The following PPP2R2B variants were observed in gnomAD, a reference collection of about 807,000 sequenced individuals.
PPP2R2B encodes serine/threonine-protein phosphatase 2A 55 kDa regulatory subunit B beta isoform.
In PPP2R2B, 5 loss-of-function variants were observed where a neutral mutation model predicts 46.0. The ratio of observed to expected loss-of-function variants is 0.11; its 90% CI spans 0.06 to 0.23. PPP2R2B has a LOEUF of 0.23. Ranked by LOEUF, PPP2R2B falls within the 10% of genes least tolerant of loss-of-function variation. The pLI, the probability that PPP2R2B is intolerant of heterozygous loss-of-function variation, is 1.00. For synonymous variants in PPP2R2B, 215 were observed against 206.7 expected (o/e 1.04, Z -0.34); for missense variants, 367 against 575.0 (o/e 0.64, Z 3.70).
chr5:146,661,254 A>T (rs973457730), intron 5 of PPP2R2B, among the ~76,000 whole-genome samples: 6 of 152,154 alleles, frequency 3.9e-5, no homozygotes, highest in African/African-American at 1.4e-4. Context: ...CTGAAACAAA[A>T]AATTATCTAG....
In PPP2R2B at chr5:146,810,603, C is replaced by T. The variant is rs72823282; in HGVS notation, c.70+67399G>A. On this transcript the variant is annotated intron_variant, in intron 2 of 9. Transcript: ENST00000394411. ...GTGAATCGTCCAGCCAGGATTTGAA[C>T]GCTTGTCTATGAGCAAAGTTCATGT... 1.0e-3 allele frequency among the ~76,000 whole-genome samples: 155 copies of T among 152,258 alleles called. 1 individual carries two copies. Among genetic ancestry groups the T allele is most frequent in the Middle Eastern group, 6.8e-3 (2 of 294 alleles).
At chr5:146,709,304 C>T (rs1370934263) in intron 2 of PPP2R2B, among the ~76,000 whole-genome samples, 2 of 152,192 alleles carry the variant, frequency 1.3e-5, no homozygotes, top group Admixed American at 1.3e-4. Context: ...GCTTAAATGT[C>T]AGTCTGACCC....
chr5:146,738,611 G>C (rs1394967362), intron 2 of PPP2R2B, among the ~76,000 whole-genome samples: 2 of 152,022 alleles, frequency 1.3e-5, no homozygotes, highest in East Asian at 3.9e-4. Context: ...AGCAAATGAC[G>C]GTTGAACAAC....
chr5:146,878,247 G>A lies in PPP2R2B; in HGVS notation c.-124-52C>T. The A allele has an allele frequency of 1.3e-6, 2 of 1,514,512 alleles. No homozygotes were observed. The highest frequency in any genetic ancestry group is 1.8e-6 in the Non-Finnish European group (2 of 1,133,126). 93.8% of individuals were successfully genotyped at this position (1,514,512 alleles called of 1,614,324 possible). On this transcript the variant is annotated intron_variant, in intron 1 of 9. Transcript: ENST00000394411. The surrounding 1 kb of genome is among the most constrained non-coding windows in gnomAD (Gnocchi z 4.5). ...GAAAAAAAATAAAAACCCGGCAATGGAGCTGTCACCTCCTCCACTCGGGTT... is the reference window on the plus strand; with the variant it reads ...GAAAAAAAATAAAAACCCGGCAATGAAGCTGTCACCTCCTCCACTCGGGTT...
intron 5 of PPP2R2B, among the ~76,000 whole-genome samples, 156 bp from the exon 6 acceptor site, chr5:146,650,880 T>A (rs2151094335): frequency 6.6e-6 from 1 of 152,334 alleles, no homozygotes; most frequent in South Asian, 2.1e-4. Flanking sequence ...AATCACACAC[T>A]GTTCTTGTTC....
At chr5:147,026,772 A>G (rs1007318286) in intron 1 of PPP2R2B, among the ~76,000 whole-genome samples, 3 of 152,192 alleles carry the variant, frequency 2.0e-5, no homozygotes, top group African/African-American at 7.2e-5. Context: ...CACTCACTAG[A>G]ATTCTCAAAA....
chr5:146,859,570 A>C (rs1337490781), intron 2 of PPP2R2B, among the ~76,000 whole-genome samples: 2 of 152,206 alleles, frequency 1.3e-5, no homozygotes, highest in Non-Finnish European at 2.9e-5. Flanking sequence ...CAGCTTATCT[A>C]TCTAACAATC....
chr5:146,590,815 T>G (rs1439341255), intron 9 of PPP2R2B, among the ~76,000 whole-genome samples: 1 of 152,098 alleles, frequency 6.6e-6, no homozygotes, highest in African/African-American at 2.4e-5. Flanking sequence ...AGAAAACTTA[T>G]CTACGAAATG....
intron 2 of PPP2R2B, among the ~76,000 whole-genome samples, chr5:146,816,330 GC>G (rs1757931368): frequency 6.6e-6 from 1 of 152,164 alleles, no homozygotes; most frequent in Admixed American, 6.5e-5. Context: ...AGCCCAGGAG[GC>G]TGAGGCGGCA....
chr5:146,823,416 C>G (rs752179035), intron 2 of PPP2R2B, among the ~76,000 whole-genome samples: 4 of 151,952 alleles, frequency 2.6e-5, no homozygotes, highest in Non-Finnish European at 1.5e-5. Context: ...CCAGGATGGT[C>G]TTGATCTCCT....
intron 7 of PPP2R2B, among the ~76,000 whole-genome samples, chr5:146,619,324 A>G (rs1773482312): frequency 1.3e-5 from 2 of 149,368 alleles, no homozygotes; most frequent in South Asian, 4.3e-4. Context: ...AAAAAAAAAT[A>G]CAAACATTAG....
rs374188505 is a variant in PPP2R2B, at chr5:146,697,755, C to A, written c.334+224G>T. Among the ~76,000 whole-genome samples the A allele has an allele frequency of 3.4e-4, 52 of 152,260 alleles. 1 individual carries two copies. The South Asian group carries it at 8.3e-3, about 24-fold the overall frequency. On this transcript the variant is annotated intron_variant, in intron 4 of 9. Coordinates refer to ENST00000394411, the MANE Select transcript of PPP2R2B (RefSeq NM_181675.4). ...TAGTTGAAAACTGCAGATAATGGGT[C>A]TCACATAATTGGGTCATAAATTTAA...
At chr5:146,624,113 C>A (rs1029552146) in intron 7 of PPP2R2B, among the ~76,000 whole-genome samples, 17 of 152,010 alleles carry the variant, frequency 1.1e-4, no homozygotes, top group African/African-American at 3.9e-4. Context: ...TTTTCTAAAC[C>A]CTGATTTCCT....
intron 1 of PPP2R2B, among the ~76,000 whole-genome samples, chr5:146,972,207 G>A (rs1459344572): frequency 9.7e-6 from 1 of 103,426 alleles, no homozygotes; most frequent in East Asian, 2.3e-4. Flanking sequence ...TTAGAATGGG[G>A]TTAGTTTTTG....
At chr5:146,965,368 C>T (rs1245976256) in intron 1 of PPP2R2B, among the ~76,000 whole-genome samples, 2 of 152,188 alleles carry the variant, frequency 1.3e-5, no homozygotes, top group Non-Finnish European at 2.9e-5. Flanking sequence ...TTGTTCAGAA[C>T]GTTGAGGTTT....
chr5:146,581,384 C>T lies in PPP2R2B; in HGVS notation c.*8563G>A, dbSNP rs1769887523. 1 of 152,118 alleles carries T rather than the reference C, an allele frequency of 6.6e-6. No homozygotes were observed. Among genetic ancestry groups the T allele is most frequent in the African/African-American group, 2.4e-5 (1 of 41,418 alleles). The allele number at this position is 152,118 out of a possible 1,614,324, so 9.4% of individuals were successfully genotyped here. ...TTACTCACTATCACGAGAATAGCAC[C>T]AAGAAGATGGTGCTAAACCATGCAT... is the stretch of plus-strand genomic sequence containing the variant. On this transcript the variant is annotated 3_prime_UTR_variant, in exon 10 of 10. Transcript: ENST00000394411.
intron 1 of PPP2R2B, among the ~76,000 whole-genome samples, chr5:146,902,414 T>C (rs1413078352): frequency 1.3e-5 from 2 of 152,156 alleles, no homozygotes; most frequent in African/African-American, 4.8e-5. Context: ...TAAATAATAA[T>C]AGCAATAATA....
At chr5:146,968,410 G>A (rs1388791559) in intron 1 of PPP2R2B, among the ~76,000 whole-genome samples, 1 of 152,162 alleles carries the variant, frequency 6.6e-6, no homozygotes, top group African/African-American at 2.4e-5. Flanking sequence ...CATCAAAGTG[G>A]GTTAGATACA....
At chr5:147,032,924 G>A (rs1200825092) in intron 1 of PPP2R2B, among the ~76,000 whole-genome samples, 1 of 152,116 alleles carries the variant, frequency 6.6e-6, no homozygotes, top group Non-Finnish European at 1.5e-5. Flanking sequence ...GTTCTTTAAA[G>A]AATTTCCAAA....
Sources: gnomAD v4.1 joint callset for allele counts (sites outside exome capture counted in the v4.1 genomes callset) on GRCh38, gnomAD v4.1.1 for gene constraint, Gnocchi (gnomAD v3.1) non-coding constraint, MANE v1.5 for transcripts, NCBI Gene and HGNC (gene_info 2026-07-23, HGNC 2026-07-21) for gene names.